Variants in NHSL1 observed in about 807,000 individuals in gnomAD.
NHSL1 encodes the protein NHS-like protein 1.
A neutral mutation model predicts 95.0 loss-of-function variants in NHSL1; 48 were observed. That is an observed-to-expected ratio of 0.51 (90% CI 0.40 to 0.64). The LOEUF (loss-of-function observed/expected upper bound fraction) is 0.64. NHSL1 is among the 30% of genes least tolerant of loss of function. The pLI is 0.00. For synonymous variants in NHSL1, 783 were observed against 833.9 expected (o/e 0.94, Z 1.05); for missense variants, 1,971 against 2,077.7 (o/e 0.95, Z 1.00).
chr6:138,526,638 T>C (rs563025304), intron 1 of NHSL1, among the ~76,000 whole-genome samples: 1 of 152,358 alleles, frequency 6.6e-6, no homozygotes, highest in Non-Finnish European at 1.5e-5. Flanking sequence ...CTCCTATTTT[T>C]ATGATAAGCT....
chr6:138,597,765 T>A (rs2114547772), intron 1 of NHSL1, among the ~76,000 whole-genome samples: 1 of 152,320 alleles, frequency 6.6e-6, no homozygotes, highest in East Asian at 1.9e-4. Context: ...TAATTTCTCC[T>A]TACATTGCAG....
At chr6:138,514,914 C>A (rs1781395860) in intron 1 of NHSL1, among the ~76,000 whole-genome samples, 1 of 152,104 alleles carries the variant, frequency 6.6e-6, no homozygotes, top group Admixed American at 6.5e-5. Flanking sequence ...CAACACAAGA[C>A]CCTGTCTCAC....
chr6:138,631,633 T>A lies in NHSL1; in HGVS notation c.96+60843A>T, dbSNP rs184114650. Among the ~76,000 whole-genome samples the A allele has an allele frequency of 2.0e-4, 30 of 152,156 alleles. No individual in the cohort carries two copies. In the East Asian group the frequency reaches 4.7e-3, roughly 24 times the overall value. Reference sequence around the variant, plus strand: ...TGGGCCAGAAGGAAACTTGTTGCCTTGAAAGGAAGGACCTACTCCTGGCAG... The same window carrying A: ...TGGGCCAGAAGGAAACTTGTTGCCTAGAAAGGAAGGACCTACTCCTGGCAG... On this transcript the variant is annotated intron_variant, in intron 1 of 3. Coordinates refer to the NHSL1 transcript ENST00000491526.
At position 138,432,242 on chromosome 6, in the gene NHSL1, G is replaced by A. The variant is rs373302218; in HGVS notation, c.2103C>T (p.Ile701=). ...GCTGCAGCGAGTGCTGGAGTGTGGC[G>A]ATCAGGCTCTCGTTGAGCACCTGCC... The part of the protein sequence containing the change: ...CNGQVLNESL[I]ATLQHSLQLS... The change falls in exon 6 of 8, where the codon ATC becomes ATT. Residue 701 remains isoleucine (I), a synonymous_variant. Transcript: ENST00000343505. The surrounding 1 kb of genome is among the most constrained non-coding windows in gnomAD (Gnocchi z 4.4). 578 of 1,549,254 alleles carry A rather than the reference G, an allele frequency of 3.7e-4. 2 individuals are homozygous for A. The African/African-American group carries it at 5.2e-3, about 14-fold the overall frequency.
At position 138,447,076 on chromosome 6, in the gene NHSL1, G is replaced by A. The variant is rs750240122; in HGVS notation, c.457C>T (p.Leu153=). Reference sequence around the variant, plus strand: ...CGCATCTTCTCTTCTGGTGTTGGCAGTGGAAGCGACTTGGTCCAGTTCGTC... The same window carrying A: ...CGCATCTTCTCTTCTGGTGTTGGCAATGGAAGCGACTTGGTCCAGTTCGTC... The part of the protein sequence containing the change: ...TQTNWTKSLP[L]PTPEEKMRQQ... Residue 153 remains leucine, a synonymous_variant, in exon 4 of 8, where the codon CTG becomes TTG. Transcript: ENST00000343505. 8.0e-5 allele frequency: 124 copies of A among 1,551,662 alleles called. 1 individual carries two copies. In the East Asian group the frequency reaches 3.0e-3, roughly 37 times the overall value.
chr6:138,557,462 T>G (rs1783235256), intron 1 of NHSL1, among the ~76,000 whole-genome samples: 1 of 152,138 alleles, frequency 6.6e-6, no homozygotes, highest in African/African-American at 2.4e-5. Context: ...TGGTGGGGAC[T>G]ACCAGAGACA....
intron 1 of NHSL1, 99 bp downstream of exon 1, chr6:138,499,124 CACACACATGG>C: frequency 1.4e-6 from 1 of 723,064 alleles, no homozygotes; most frequent in Non-Finnish European, 2.2e-6. Context: ...GGACCTAAAA[CACACACATGG>C]ACACACACAC....
chr6:138,565,726 A>G (rs899558506), intron 1 of NHSL1, among the ~76,000 whole-genome samples: 2 of 151,388 alleles, frequency 1.3e-5, no homozygotes, highest in Non-Finnish European at 2.9e-5. Flanking sequence ...GATGTTCAAG[A>G]TCAGCCTGAG....
chr6:138,426,523 T>A lies in NHSL1; in HGVS notation c.4086-1707A>T, dbSNP rs4895524. Among the ~76,000 whole-genome samples the A allele has an allele frequency of 4.5e-3, 693 of 152,362 alleles. 6 individuals carry two copies. The highest frequency in any genetic ancestry group is 0.02 in the Admixed American group (300 of 15,308). On this transcript the variant is annotated intron_variant, in intron 7 of 7. Coordinates refer to ENST00000343505, the MANE Select transcript of NHSL1 (RefSeq NM_001144060.2). ...TATATAGGTCACAGTTTGTCAGTAC[T>A]CATGAATGCAGTGATAGCCATAATT...
chr6:138,500,709 T>G (rs1477797245), upstream of NHSL1, among the ~76,000 whole-genome samples: 1 of 152,194 alleles, frequency 6.6e-6, no homozygotes, highest in Non-Finnish European at 1.5e-5. Flanking sequence ...TTTTATGCCC[T>G]TTATTTTTTC....
chr6:138,430,681 C>T lies in NHSL1; in HGVS notation c.3664G>A (p.Glu1222Lys), dbSNP rs780202137. 8.4e-6 allele frequency: 13 copies of T among 1,551,580 alleles called. No individual in the cohort carries two copies. The highest frequency in any genetic ancestry group is 3.6e-5 in the South Asian group (3 of 84,066). ...GGGCTGGGCACAGCTCGGAGGGCTT[C>T]GCTCACGTTCTCTGCGGGCTCCACT... ...FAVEPAENVSEALRAVPSPTT... is the reference protein window; with the variant it reads ...FAVEPAENVSKALRAVPSPTT... Residue 1222 changes from glutamate to lysine, a missense_variant, in exon 6 of 8, where the codon GAA becomes AAA. Physicochemically the swap from Glu to Lys is moderately conservative, Grantham distance 56. This residue lies in a region of NHSL1 where 1,602 missense variants were observed against 1,654.5 expected (regional missense o/e 0.97). Transcript: ENST00000343505. The surrounding 1 kb of genome is among the most constrained non-coding windows in gnomAD (Gnocchi z 4.7).
intron 1 of NHSL1, among the ~76,000 whole-genome samples, chr6:138,542,859 C>A (rs565359013): frequency 1.3e-5 from 2 of 152,126 alleles, no homozygotes; most frequent in Non-Finnish European, 2.9e-5. Context: ...GAACTCCTAG[C>A]CTCAAGCAAT....
Position 138,424,705 on chromosome 6 carries a change from T to C in NHSL1, c.4197A>G (p.Pro1399=). ...PTGAAPSLAS[P]KQVGSIQRSI... ...TTCTCTGAATCGACCCCACTTGCTT[T>C]GGAGAGGCCAGGCTTGGGGCAGCGC... Residue 1399 remains proline (P), a synonymous_variant, in exon 8 of 8, where the codon CCA becomes CCG. Transcript: ENST00000343505. The surrounding 1 kb of genome is among the most constrained non-coding windows in gnomAD (Gnocchi z 5.9). 6.4e-7 allele frequency: 1 copy of C among 1,551,428 alleles called. No homozygotes were observed.
chr6:138,593,614 T>C (rs535822607), intron 1 of NHSL1, among the ~76,000 whole-genome samples: 3 of 152,332 alleles, frequency 2.0e-5, no homozygotes, highest in African/African-American at 7.2e-5. Flanking sequence ...CTCACTTTCA[T>C]TAGGAGATGA....
chr6:138,486,274 C>A (rs1174611920), intron 2 of NHSL1, among the ~76,000 whole-genome samples: 1 of 152,134 alleles, frequency 6.6e-6, no homozygotes. Flanking sequence ...CCTCTCTGTT[C>A]TGTTGGCATC....
Position 138,431,587 on chromosome 6 carries a change from GCTTCT to G in NHSL1, c.2753_2757del (p.Lys918ThrfsTer68). 6.4e-7 allele frequency: 1 copy of G among 1,551,650 alleles called. No homozygotes were observed. On this transcript the variant is annotated frameshift_variant, in exon 6 of 8. Transcript: ENST00000343505. LOFTEE classifies it high-confidence loss of function. This position sits in a 1 kb window ranked among gnomAD's most constrained non-coding sequence, Gnocchi z 4.0. ...GGGGGAGAGCCCACGGCTGGATCCA[GCTTCT>G]TCATAGTGCCACTTCCTTCAGTAGA...
chr6:138,509,745 A>G (rs527906516), intron 1 of NHSL1, among the ~76,000 whole-genome samples: 5 of 152,326 alleles, frequency 3.3e-5, no homozygotes, highest in African/African-American at 7.2e-5. Context: ...TTGAGCCTCA[A>G]TTCGGACAAC....
chr6:138,572,858 G>GATAC (rs1363777091), upstream of NHSL1, among the ~76,000 whole-genome samples: 1 of 148,062 alleles, frequency 6.8e-6, no homozygotes, highest in African/African-American at 2.5e-5. Context: ...TAGATAGATA[G>GATAC]ATAGATAGAT....
At chr6:138,455,601 A>G (rs1314494129) in intron 3 of NHSL1, among the ~76,000 whole-genome samples, 1 of 151,850 alleles carries the variant, frequency 6.6e-6, no homozygotes, top group South Asian at 2.1e-4. Flanking sequence ...TGTGATCTTG[A>G]GAAAGCCATT....
Sources: gnomAD v4.1 joint callset for allele counts (sites outside exome capture counted in the v4.1 genomes callset) on GRCh38, gnomAD v4.1.1 for gene constraint, gnomAD v4.1.1 regional missense constraint, Gnocchi (gnomAD v3.1) non-coding constraint, MANE v1.5 for transcripts, NCBI Gene and HGNC (gene_info 2026-07-23, HGNC 2026-07-21) for gene names.